Variants in CDH4 observed in about 807,000 individuals in gnomAD.
CDH4 encodes cadherin-4.
CDH4 carries 33 observed loss-of-function variants against 86.0 expected under a neutral mutation model. The ratio of observed to expected loss-of-function variants is 0.38; its 90% CI spans 0.29 to 0.51. CDH4 has a LOEUF of 0.51. CDH4 is among the 20% of genes least tolerant of loss of function. The pLI is 0.86. For missense variants in CDH4, 1,114 were observed against 1,307.4 expected (o/e 0.85, Z 2.28); for synonymous variants, 555 against 549.4 (o/e 1.01, Z -0.14).
chr20:61,277,888 C>T (rs1001942043), intron 2 of CDH4, among the ~76,000 whole-genome samples: 7 of 152,218 alleles, frequency 4.6e-5, no homozygotes, highest in Non-Finnish European at 8.8e-5. Context: ...AGGGGAGGGC[C>T]GGCTTTTCCA....
At chr20:61,640,748 T>C (rs1455565985) in intron 2 of CDH4, among the ~76,000 whole-genome samples, 1 of 152,212 alleles carries the variant, frequency 6.6e-6, no homozygotes, top group Non-Finnish European at 1.5e-5. Context: ...AAAATTCTGC[T>C]TTCATCACCC....
intron 2 of CDH4, among the ~76,000 whole-genome samples, chr20:61,554,730 C>CACATGT (rs1202644734): frequency 6.6e-6 from 1 of 152,256 alleles, no homozygotes; most frequent in Admixed American, 6.5e-5. Context: ...TGTGTGTACA[C>CACATGT]ACATGTACAT....
chr20:61,667,646 G>GCACA (rs35914981), intron 2 of CDH4, among the ~76,000 whole-genome samples: 27 of 151,568 alleles, frequency 1.8e-4, no homozygotes, highest in East Asian at 3.9e-4. Flanking sequence ...TTTGTGTGTG[G>GCACA]CACACACACA....
intron 2 of CDH4, among the ~76,000 whole-genome samples, chr20:61,378,885 G>T (rs1314625554): frequency 2.0e-5 from 3 of 152,152 alleles, no homozygotes; most frequent in East Asian, 3.9e-4. Flanking sequence ...TTAACTGTAG[G>T]ATGATGTCAT....
At chr20:61,890,906 A>T (rs1458951082) in intron 7 of CDH4, among the ~76,000 whole-genome samples, 2 of 152,006 alleles carry the variant, frequency 1.3e-5, no homozygotes, top group African/African-American at 2.4e-5. Flanking sequence ...TCCTCATGGC[A>T]CTCTGGGTCT....
At chr20:61,656,154 G>C (rs541299167) in intron 2 of CDH4, among the ~76,000 whole-genome samples, 21 of 152,306 alleles carry the variant, frequency 1.4e-4, no homozygotes, top group Non-Finnish European at 2.1e-4. Context: ...ACATGCTCTT[G>C]CTTGGGATAC....
At chr20:61,614,217 C>T (rs112063826) in intron 2 of CDH4, among the ~76,000 whole-genome samples, 4,828 of 152,060 alleles carry the variant, frequency 0.032, 115 homozygotes, top group Middle Eastern at 0.075. Flanking sequence ...ACCAGAAAGA[C>T]CTAGAGATTA....
At chr20:61,845,195 G>A (rs1215870193) in intron 5 of CDH4, among the ~76,000 whole-genome samples, 4 of 152,348 alleles carry the variant, frequency 2.6e-5, no homozygotes, top group East Asian at 1.9e-4. Flanking sequence ...ATGCTCCCTC[G>A]GGGCCCCTCA....
rs1266987795 is a variant in CDH4 at position 61,754,795 on chromosome 20, CCA to C, written c.396+11014_396+11015del. On this transcript the variant is annotated intron_variant, in intron 3 of 15. Transcript: ENST00000614565. This position sits in a 1 kb window ranked among gnomAD's most constrained non-coding sequence, Gnocchi z 4.7. ...ACACACACCACACACACACTGCACG[CCA>C]CACACACCACACACACGATGCATGC... Among the ~76,000 whole-genome samples the C allele has an allele frequency of 6.7e-6, 1 of 149,234 alleles. No homozygotes were observed. The highest frequency in any genetic ancestry group is 1.5e-5 in the Non-Finnish European group (1 of 67,194).
intron 2 of CDH4, among the ~76,000 whole-genome samples, chr20:61,299,310 C>T (rs935491277): frequency 6.6e-6 from 1 of 152,162 alleles, no homozygotes; most frequent in Middle Eastern, 3.2e-3. Flanking sequence ...GGTGAGGGCT[C>T]CTCCCAATGG....
chr20:61,355,104 G>A (rs1600895617), intron 2 of CDH4, among the ~76,000 whole-genome samples: 2 of 152,206 alleles, frequency 1.3e-5, no homozygotes, highest in African/African-American at 4.8e-5. Flanking sequence ...TGTGGCTGCA[G>A]TCATTGAGTA....
chr20:61,656,970 C>T (rs556100578), intron 2 of CDH4, among the ~76,000 whole-genome samples: 1 of 152,226 alleles, frequency 6.6e-6, no homozygotes, highest in Non-Finnish European at 1.5e-5. Flanking sequence ...GCACTGGACA[C>T]ACCTCAAAGC....
chr20:61,400,846 C>T (rs2085045829), intron 2 of CDH4, among the ~76,000 whole-genome samples: 2 of 152,232 alleles, frequency 1.3e-5, no homozygotes, highest in Non-Finnish European at 2.9e-5. Flanking sequence ...CCGGCCCTGC[C>T]CCCTTCCAGA....
intron 4 of CDH4, among the ~76,000 whole-genome samples, chr20:61,822,996 G>A (rs1389375057): frequency 2.0e-5 from 3 of 152,222 alleles, no homozygotes; most frequent in Non-Finnish European, 4.4e-5. Flanking sequence ...CAGGGAGAAG[G>A]AGATTCCATT....
chr20:61,331,637 ACCCACCTCCCGCCCCAG>A (rs1568801129), intron 2 of CDH4, among the ~76,000 whole-genome samples: 19 of 6,636 alleles, frequency 2.9e-3, no homozygotes, highest in East Asian at 4.2e-3. Context: ...CCTGCCCCAG[ACCCACCTCCCGCCCCAG>A]CCACCTGCCC....
At chr20:61,428,450 TTTG>T (rs1378553070) in intron 2 of CDH4, among the ~76,000 whole-genome samples, 1 of 152,130 alleles carries the variant, frequency 6.6e-6, no homozygotes, top group Non-Finnish European at 1.5e-5. Context: ...GGCAACATCA[TTTG>T]TTATGTCCCC....
intron 2 of CDH4, 95 bp from the exon 3 acceptor site, chr20:61,743,468 C>G: frequency 1.1e-6 from 1 of 896,396 alleles, no homozygotes; most frequent in South Asian, 1.5e-5. Context: ...CTCATGCCCA[C>G]TGGGGGCCTG....
At chr20:61,899,338 T>G (rs1419196819) in intron 8 of CDH4, among the ~76,000 whole-genome samples, 1 of 152,084 alleles carries the variant, frequency 6.6e-6, no homozygotes, top group Non-Finnish European at 1.5e-5. Flanking sequence ...TAGTTTAAAA[T>G]GCATACATGA....
At chr20:61,362,512 C>T (rs112744993) in intron 2 of CDH4, among the ~76,000 whole-genome samples, 1 of 146,252 alleles carries the variant, frequency 6.8e-6, no homozygotes, top group East Asian at 2.0e-4. Context: ...TAGTGGAGAG[C>T]GGAGACGTGG....
Sources: gnomAD v4.1 joint callset for allele counts (sites outside exome capture counted in the v4.1 genomes callset) on GRCh38, gnomAD v4.1.1 for gene constraint, Gnocchi (gnomAD v3.1) non-coding constraint, MANE v1.5 for transcripts, NCBI Gene and HGNC (gene_info 2026-07-23, HGNC 2026-07-21) for gene names.